CDH22: variants seen among roughly 807,000 people sequenced by gnomAD.
CDH22 encodes the protein cadherin 22.
A neutral mutation model predicts 58.4 loss-of-function variants in CDH22; 30 were observed. The observed-to-expected ratio is 0.51, with a 90% CI of 0.38 to 0.70. The LOEUF is 0.70. Among genes scored for constraint, CDH22 ranks in the 30% least tolerant of loss-of-function variants. The pLI is 0.00. For synonymous variants in CDH22, 513 were observed against 558.2 expected, an observed-to-expected ratio of 0.92 and a Z score of 1.14; for missense variants, 1,014 against 1,233.9, an observed-to-expected ratio of 0.82 and a Z score of 2.67.
intron 3 of CDH22, among the ~76,000 whole-genome samples, chr20:46,230,359 G>A (rs556294756): frequency 6.6e-6 from 1 of 152,186 alleles, no homozygotes; most frequent in East Asian, 1.9e-4. Flanking sequence ...TGATTTCCAT[G>A]GTGTAAATAT....
intron 1 of CDH22, among the ~76,000 whole-genome samples, chr20:46,275,713 C>G (rs551504095): frequency 2.0e-5 from 3 of 151,992 alleles, no homozygotes; most frequent in Admixed American, 6.6e-5. Flanking sequence ...GTGCCAGGAG[C>G]TGAGCCTTCA....
intron 11 of CDH22, among the ~76,000 whole-genome samples, chr20:46,176,637 T>A (rs1051255352): frequency 2.5e-4 from 38 of 152,338 alleles, no homozygotes; most frequent in African/African-American, 8.4e-4. Context: ...GAGCTGGCTG[T>A]GAGGGCCATG....
intron 1 of CDH22, among the ~76,000 whole-genome samples, chr20:46,275,955 G>T (rs373635134): frequency 6.6e-6 from 1 of 152,008 alleles, no homozygotes; most frequent in East Asian, 1.9e-4. Flanking sequence ...GCCAGGTGGG[G>T]GTGGGAAGAA....
intron 1 of CDH22, among the ~76,000 whole-genome samples, chr20:46,263,165 G>T (rs950822872): frequency 6.6e-6 from 1 of 152,196 alleles, no homozygotes; most frequent in Admixed American, 6.5e-5. Context: ...ATCAGAGTTT[G>T]CACTACTGAA....
At chr20:46,240,846 G>C (rs1568670276) in intron 3 of CDH22, 117 bp downstream of exon 3, 3 of 950,710 alleles carry the variant, frequency 3.2e-6, no homozygotes, top group Non-Finnish European at 4.7e-6. Flanking sequence ...TGTACCCTAG[G>C]TCAGCAGGCT....
intron 1 of CDH22, among the ~76,000 whole-genome samples, chr20:46,292,705 T>C (rs981301997): frequency 2.0e-5 from 3 of 152,160 alleles, no homozygotes; most frequent in Admixed American, 6.5e-5. Context: ...AACTTCTCAT[T>C]GTGATCTAAA....
At chr20:46,209,938 G>T in intron 7 of CDH22, 1 of 215,204 alleles carries the variant, frequency 4.6e-6, no homozygotes, top group Non-Finnish European at 9.1e-6. Flanking sequence ...GCAGGGAGAA[G>T]ACTGGGGGAG....
intron 8 of CDH22, among the ~76,000 whole-genome samples, chr20:46,187,762 C>T (rs1279775364): frequency 6.6e-6 from 1 of 152,200 alleles, no homozygotes; most frequent in East Asian, 1.9e-4. Flanking sequence ...CATCCCCACC[C>T]CCTCACCACA....
intron 7 of CDH22, among the ~76,000 whole-genome samples, chr20:46,203,395 T>G (rs2085976255): frequency 6.6e-6 from 1 of 152,006 alleles, no homozygotes; most frequent in Non-Finnish European, 1.5e-5. Context: ...GTGTATTTGG[T>G]CTGTGTTGTG....
chr20:46,202,707 TC>T (rs1418342588), intron 7 of CDH22, among the ~76,000 whole-genome samples: 1 of 152,128 alleles, frequency 6.6e-6, no homozygotes, highest in Non-Finnish European at 1.5e-5. Context: ...ACCAGCCAAA[TC>T]CTCGATGCAT....
At chr20:46,286,932 A>G (rs2086579359) in intron 1 of CDH22, among the ~76,000 whole-genome samples, 1 of 152,078 alleles carries the variant, frequency 6.6e-6, no homozygotes, top group Non-Finnish European at 1.5e-5. Flanking sequence ...TTGCATTCCA[A>G]TACCATGGAG....
intron 2 of CDH22, among the ~76,000 whole-genome samples, chr20:46,250,489 G>A (rs1361697143): frequency 6.6e-6 from 1 of 152,222 alleles, no homozygotes; most frequent in Non-Finnish European, 1.5e-5. Context: ...GTCATCAGTG[G>A]AAGGAGCAGG....
intron 2 of CDH22, among the ~76,000 whole-genome samples, chr20:46,249,585 G>A (rs1341361271): frequency 6.6e-6 from 1 of 152,160 alleles, no homozygotes; most frequent in Non-Finnish European, 1.5e-5. Context: ...TCCTTGTCAA[G>A]GATCCTGATC....
intron 3 of CDH22, among the ~76,000 whole-genome samples, chr20:46,231,564 A>C (rs2086220906): frequency 6.6e-6 from 1 of 152,206 alleles, no homozygotes; most frequent in Non-Finnish European, 1.5e-5. Flanking sequence ...ACACATCATT[A>C]GTAAGCAGTA....
intron 1 of CDH22, among the ~76,000 whole-genome samples, chr20:46,286,696 G>A (rs2086578399): frequency 6.6e-6 from 1 of 152,146 alleles, no homozygotes. Flanking sequence ...AGTGAGAGGG[G>A]GTGGGTGCCA....
At chr20:46,217,055 C>T in intron 4 of CDH22, 62 bp from the exon 5 acceptor site, 4 of 1,510,294 alleles carry the variant, frequency 2.6e-6, no homozygotes, top group Non-Finnish European at 1.8e-6. Flanking sequence ...ATGTGGAGAC[C>T]CCTGTACAGG....
At chr20:46,203,680 T>C (rs1441058824) in intron 7 of CDH22, among the ~76,000 whole-genome samples, 1 of 152,214 alleles carries the variant, frequency 6.6e-6, no homozygotes, top group East Asian at 1.9e-4. Context: ...GGAACTATTG[T>C]CACTGTAATT....
chr20:46,208,076 TCTC>T (rs985308838), intron 7 of CDH22, among the ~76,000 whole-genome samples: 16 of 152,138 alleles, frequency 1.1e-4, no homozygotes, highest in Non-Finnish European at 2.1e-4. Context: ...TCCCTCCCCC[TCTC>T]CTCAATGCCC....
At chr20:46,266,731 G>C (rs1208371761) in intron 1 of CDH22, among the ~76,000 whole-genome samples, 1 of 152,196 alleles carries the variant, frequency 6.6e-6, no homozygotes, top group Admixed American at 6.5e-5. Flanking sequence ...CCTTGGGCAA[G>C]TCCCTGCCCT....
Sources: allele counts gnomAD v4.1 joint callset (sites outside exome capture counted in the v4.1 genomes callset), GRCh38; gene constraint gnomAD v4.1.1; transcripts MANE v1.5; gene names NCBI Gene and HGNC (gene_info 2026-07-23, HGNC 2026-07-21).